ZBTB49: variants seen among roughly 807,000 people sequenced by gnomAD.
ZBTB49 encodes the protein zinc finger and BTB domain containing 49, also known as zinc finger and BTB domain-containing protein 49.
In ZBTB49, 43 loss-of-function variants were observed where a neutral mutation model predicts 57.5. The ratio of observed to expected loss-of-function variants is 0.75; its 90% confidence interval spans 0.59 to 0.97. The LOEUF (loss-of-function observed/expected upper bound fraction) is 0.97. Among genes scored for constraint, ZBTB49 ranks in the 50% least tolerant of loss-of-function variants. ZBTB49 has a pLI of 0.00. For missense variants in ZBTB49, 938 were observed against 947.7 expected (o/e 0.99, Z 0.13); for synonymous variants, 369 against 362.1 (o/e 1.02, Z -0.22).
intron 1 of ZBTB49, among the ~76,000 whole-genome samples, chr4:4,294,858 G>A (rs538767131): frequency 3.4e-5 from 5 of 147,082 alleles, no homozygotes; most frequent in East Asian, 2.1e-4. Context: ...TAACAGGTCT[G>A]TGGAGGAGGG....
At chr4:4,317,761 T>C (rs1219276337) in intron 7 of ZBTB49, among the ~76,000 whole-genome samples, 1 of 152,166 alleles carries the variant, frequency 6.6e-6, no homozygotes, top group Non-Finnish European at 1.5e-5. Flanking sequence ...GTGCTCTCGC[T>C]GTCTTATGCG....
At chr4:4,307,169 A>C (rs1720771906) in intron 4 of ZBTB49, among the ~76,000 whole-genome samples, 1 of 152,220 alleles carries the variant, frequency 6.6e-6, no homozygotes, top group South Asian at 2.1e-4. Context: ...GCCGTCTCTC[A>C]TCGCGTACTC....
At chr4:4,291,716 A>G (rs1020587931) in intron 1 of ZBTB49, among the ~76,000 whole-genome samples, 1 of 152,256 alleles carries the variant, frequency 6.6e-6, no homozygotes, top group Admixed American at 6.5e-5. Context: ...ACTCAAAGAA[A>G]GTGAGCCCTC....
chr4:4,307,994 T>C (rs990835733), intron 4 of ZBTB49, among the ~76,000 whole-genome samples: 19 of 152,196 alleles, frequency 1.2e-4, no homozygotes, highest in African/African-American at 4.6e-4. Flanking sequence ...CCTCCACTCC[T>C]CTCTCCTGGC....
rs116231896 is a variant in ZBTB49 at position 4,320,973 on chromosome 4, A to G, written c.1955A>G (p.Tyr652Cys). Reference protein sequence around the residue: ...AEFDSHSGGSYCKLRSMIQPH... With the variant: ...AEFDSHSGGSCCKLRSMIQPH... ...TTTGATAGCCACTCTGGCGGCTCCTATTGTAAGTTACGGTCCATGATCCAA... is the reference window on the plus strand; with the variant it reads ...TTTGATAGCCACTCTGGCGGCTCCTGTTGTAAGTTACGGTCCATGATCCAA... The change falls in exon 8 of 8, where the codon TAT (tyrosine) becomes TGT (cysteine). Residue 652 changes from tyrosine (Y) to cysteine (C), a missense_variant. By Grantham distance (194) the Tyr-to-Cys change is radical. This residue lies in a region of ZBTB49 where 835 missense variants were observed against 819.1 expected (regional missense o/e 1.02). Transcript: ENST00000337872. The G allele has an allele frequency of 5.8e-4, 930 of 1,614,210 alleles. 4 individuals carry two copies. In the African/African-American group the frequency reaches 0.01, roughly 18 times the overall value.
intron 1 of ZBTB49, among the ~76,000 whole-genome samples, chr4:4,297,962 C>T (rs1720292574): frequency 6.6e-6 from 1 of 152,172 alleles, no homozygotes. Flanking sequence ...GATGCGGTTA[C>T]CAGGCTCCCC....
At position 4,321,534 on chromosome 4, in the gene ZBTB49, CTGACGTCACAGAAGCGAA is replaced by C. The variant is rs1721418588; in HGVS notation, c.*219_*236del. ...CGTGAGGCAGCCGCGGGAGGGAGCG[CTGACGTCACAGAAGCGAA>C]GGCTTGATGCTGTCTCAGCAGCCTC... is the stretch of plus-strand genomic sequence containing the variant. On this transcript the variant is annotated 3_prime_UTR_variant, in exon 8 of 8. Transcript: ENST00000337872. 1 of 585,470 alleles carries C rather than the reference CTGACGTCACAGAAGCGAA, an allele frequency of 1.7e-6. No individual in the cohort carries two copies. Among genetic ancestry groups the C allele is most frequent in the African/African-American group, 1.9e-5 (1 of 53,574 alleles). The allele number at this position is 585,470 out of a possible 1,614,324, so 36.3% of individuals were successfully genotyped here.
Position 4,298,363 on chromosome 4 carries a change from T to C in ZBTB49, c.-19-1564T>C, listed in dbSNP as rs182777423. Among the ~76,000 whole-genome samples the C allele has an allele frequency of 4.7e-3, 716 of 152,314 alleles. 8 individuals carry two copies. Among genetic ancestry groups the C allele is most frequent in the African/African-American group, 0.016 (669 of 41,568 alleles). Reference sequence around the variant, plus strand: ...ATTGTAGTGACTTTTTCAGCCATGCTTGAGTACTGAGAATGAAGGCAAAAA... The same window carrying C: ...ATTGTAGTGACTTTTTCAGCCATGCCTGAGTACTGAGAATGAAGGCAAAAA... On this transcript the variant is annotated intron_variant, in intron 1 of 7. Transcript: ENST00000337872.
At chr4:4,319,003 G>A (rs1049785552) in intron 7 of ZBTB49, among the ~76,000 whole-genome samples, 8 of 147,860 alleles carry the variant, frequency 5.4e-5, no homozygotes, top group Non-Finnish European at 3.0e-5. Context: ...CAGTCCTCTC[G>A]CCTCAGTCTT....
intron 7 of ZBTB49, 32 bp downstream of exon 7, chr4:4,316,002 A>G: frequency 1.2e-6 from 2 of 1,609,736 alleles, no homozygotes; most frequent in Non-Finnish European, 1.7e-6. Context: ...TCCCCTAGTC[A>G]TCTGTGTGTG....
At chr4:4,312,999 A>C in intron 4 of ZBTB49, 42 bp from the exon 5 acceptor site, 1 of 1,605,412 alleles carries the variant, frequency 6.2e-7, no homozygotes, top group South Asian at 1.1e-5. Flanking sequence ...AAAAACCAAA[A>C]ACTTTCATTA....
chr4:4,294,186 T>A (rs1720077753), intron 1 of ZBTB49, among the ~76,000 whole-genome samples: 1 of 152,174 alleles, frequency 6.6e-6, no homozygotes, highest in East Asian at 1.9e-4. Flanking sequence ...ACAGAACACA[T>A]AAGAAATGTA....
intron 1 of ZBTB49, among the ~76,000 whole-genome samples, chr4:4,298,203 A>G (rs970303597): frequency 2.6e-5 from 4 of 152,184 alleles, no homozygotes; most frequent in Admixed American, 6.5e-5. Context: ...TAGGTCTCCA[A>G]CCCACTGGCC....
chr4:4,297,622 A>C (rs1481003674), intron 1 of ZBTB49, among the ~76,000 whole-genome samples: 1 of 152,098 alleles, frequency 6.6e-6, no homozygotes, highest in Non-Finnish European at 1.5e-5. Context: ...CCATCTCTGC[A>C]AAAAATTTTT....
intron 7 of ZBTB49, among the ~76,000 whole-genome samples, 191 bp downstream of exon 7, chr4:4,316,161 A>C (rs976740514): frequency 6.6e-6 from 1 of 152,122 alleles, no homozygotes; most frequent in African/African-American, 2.4e-5. Context: ...TTGAGGTATT[A>C]GGAACTGTCC....
chr4:4,316,916 T>C (rs946663679), intron 7 of ZBTB49, among the ~76,000 whole-genome samples: 3 of 152,220 alleles, frequency 2.0e-5, no homozygotes, highest in African/African-American at 7.2e-5. Flanking sequence ...CGTTCGCCTG[T>C]AATCTTAGCT....
intron 1 of ZBTB49, among the ~76,000 whole-genome samples, chr4:4,297,241 T>TTG (rs1720249339): frequency 6.6e-6 from 1 of 152,108 alleles, no homozygotes; most frequent in African/African-American, 2.4e-5. Flanking sequence ...TGGCTAATTT[T>TTG]TGTATTTTTG....
At chr4:4,301,027 G>A (rs1400198683) in intron 2 of ZBTB49, among the ~76,000 whole-genome samples, 2 of 152,102 alleles carry the variant, frequency 1.3e-5, no homozygotes, top group African/African-American at 2.4e-5. Flanking sequence ...TAATGAATCA[G>A]CTTCTTAAGG....
chr4:4,292,441 G>A (rs779722316), intron 1 of ZBTB49, among the ~76,000 whole-genome samples: 5 of 152,186 alleles, frequency 3.3e-5, no homozygotes, highest in Non-Finnish European at 7.3e-5. Context: ...AGTGAATGAT[G>A]GAAAACTGAG....
Sources: allele counts gnomAD v4.1 joint callset (sites outside exome capture counted in the v4.1 genomes callset), GRCh38; gene constraint gnomAD v4.1.1; regional missense constraint gnomAD v4.1.1; transcripts MANE v1.5; gene names NCBI Gene and HGNC (gene_info 2026-07-23, HGNC 2026-07-21).